The following KIF6 variants were observed in gnomAD, a reference collection of about 807,000 sequenced individuals.
KIF6 encodes the protein kinesin family member 6, also known as kinesin-like protein KIF6.
Under a neutral mutation model 112.7 loss-of-function variants are expected in KIF6, and 106 were observed. The observed-to-expected ratio is 0.94, with a 90% CI of 0.80 to 1.11. The LOEUF (loss-of-function observed/expected upper bound fraction) is 1.11. Ranked by LOEUF, KIF6 falls within the 50% of genes least tolerant of loss-of-function variation. The pLI, the probability that KIF6 is intolerant of heterozygous loss-of-function variation, is 0.00. For missense variants in KIF6, 929 were observed against 964.0 expected, an observed-to-expected ratio of 0.96 and a Z score of 0.48; for synonymous variants, 339 against 339.9, an observed-to-expected ratio of 1.00 and a Z score of 0.03.
chr6:39,371,772 T>A lies in KIF6; in HGVS notation c.1862-9254A>T, dbSNP rs541385669. 3.3e-5 allele frequency among the ~76,000 whole-genome samples: 5 copies of A among 152,170 alleles called. No homozygotes were observed. The South Asian group carries it at 1.0e-3, about 32-fold the overall frequency. ...GACCCTGACCCATATAGATTCAAATTGGGTAAGGAACCGCCCAATAAGGCA... is the reference window on the plus strand; with the variant it reads ...GACCCTGACCCATATAGATTCAAATAGGGTAAGGAACCGCCCAATAAGGCA... On this transcript the variant is annotated intron_variant, in intron 16 of 22. Transcript: ENST00000287152.
At chr6:39,449,692 T>G (rs1772558941) in intron 13 of KIF6, among the ~76,000 whole-genome samples, 1 of 152,056 alleles carries the variant, frequency 6.6e-6, no homozygotes, top group Non-Finnish European at 1.5e-5. Context: ...TCCAGTACAG[T>G]AGGATGAAAG....
chr6:39,677,817 A>C (rs1359471450), intron 3 of KIF6, among the ~76,000 whole-genome samples: 1 of 135,058 alleles, frequency 7.4e-6, no homozygotes, highest in Non-Finnish European at 1.6e-5. Context: ...TTTACTGAGA[A>C]TGATGGTTTC....
chr6:39,339,488 T>A (rs1002649778), intron 22 of KIF6, among the ~76,000 whole-genome samples: 9 of 151,806 alleles, frequency 5.9e-5, no homozygotes, highest in African/African-American at 2.2e-4. Flanking sequence ...TTTCTCTGAG[T>A]GGGGCTGGAG....
In KIF6 at chr6:39,431,067, CTGTT is replaced by C. The variant is rs1346713118; in HGVS notation, c.1736_1739del (p.Lys579ArgfsTer3). On this transcript the variant is annotated frameshift_variant, in exon 14 of 23. Coordinates refer to ENST00000287152, the MANE Select transcript of KIF6 (RefSeq NM_145027.6). LOFTEE classifies it high-confidence loss of function. ...GACAGCCTTACCTCTGTTTCAGAAT[CTGTT>C]TGTTGTCATCGATGGTAACGCTGTC... 3 of 1,611,402 alleles carry C rather than the reference CTGTT, an allele frequency of 1.9e-6. No homozygotes were observed. The highest frequency in any genetic ancestry group is 1.1e-5 in the South Asian group (1 of 90,906).
rs1234740179 is a variant in KIF6, at chr6:39,709,970, A to C, written c.251+4722T>G. ...TGACACTTTATTTTATCAGTATTTT[A>C]TGTTTTACCATTTCAAAGTCATACA... On this transcript the variant is annotated intron_variant, in intron 3 of 22. Coordinates refer to ENST00000287152, the MANE Select transcript of KIF6 (RefSeq NM_145027.6). 5.3e-5 allele frequency among the ~76,000 whole-genome samples: 8 copies of C among 152,210 alleles called. No homozygotes were observed. In the East Asian group the frequency reaches 1.3e-3, roughly 26 times the overall value.
intron 20 of KIF6, among the ~76,000 whole-genome samples, chr6:39,346,106 CCTCCCTCTCCCT>C (rs1763749256): frequency 6.3e-5 from 2 of 31,546 alleles, no homozygotes; most frequent in African/African-American, 2.3e-4. Flanking sequence ...TCCCTCCCCC[CCTCCCTCTCCCT>C]CTCCCTCCCT....
intron 19 of KIF6, 131 bp downstream of exon 19, chr6:39,357,146 C>CGGT (rs1764760862): frequency 1.7e-6 from 1 of 596,980 alleles, no homozygotes; most frequent in Non-Finnish European, 2.9e-6. Context: ...ACTAATTAAA[C>CGGT]AGTAAAAGGA....
At chr6:39,439,809 G>C (rs575145898) in intron 13 of KIF6, among the ~76,000 whole-genome samples, 1 of 152,226 alleles carries the variant, frequency 6.6e-6, no homozygotes, top group Non-Finnish European at 1.5e-5. Context: ...AAACCAAATG[G>C]AAAGGAAAAA....
At chr6:39,417,831 A>G (rs565369068) in intron 15 of KIF6, among the ~76,000 whole-genome samples, 2 of 152,352 alleles carry the variant, frequency 1.3e-5, no homozygotes, top group South Asian at 4.1e-4. Context: ...TTTGGTTTAC[A>G]GAGTAAGATA....
At chr6:39,546,245 T>G (rs112799690) in intron 10 of KIF6, among the ~76,000 whole-genome samples, 2,799 of 152,310 alleles carry the variant, frequency 0.018, 67 homozygotes, top group African/African-American at 0.061. Context: ...CCTCCTCCTT[T>G]GCCTCAGAGT....
chr6:39,603,498 A>G (rs1280756357), intron 6 of KIF6, among the ~76,000 whole-genome samples: 1 of 151,948 alleles, frequency 6.6e-6, no homozygotes, highest in Non-Finnish European at 1.5e-5. Flanking sequence ...CTGTCTGCTG[A>G]AAGAGAAATT....
Position 39,719,367 on chromosome 6 carries a change from TA to T in KIF6, c.176+1334del, listed in dbSNP as rs527387749. On this transcript the variant is annotated intron_variant, in intron 2 of 22. Coordinates refer to ENST00000287152, the MANE Select transcript of KIF6 (RefSeq NM_145027.6). ...AGAAAAAGAGAGAGAGAGAGAGGAA[TA>T]AAAAAAAATCTGGGATAGTTTTATC... 2.6e-3 allele frequency among the ~76,000 whole-genome samples: 363 copies of T among 141,408 alleles called. 4 individuals are homozygous for T. The highest frequency in any genetic ancestry group is 8.9e-3 in the African/African-American group (342 of 38,566). The allele number at this position is 141,408 out of a possible 152,430, so 92.8% of individuals were successfully genotyped here. A position where few individuals can be genotyped will look rare whatever the true frequency, so the allele number is the denominator to read the frequency against.
At chr6:39,524,283 G>A (rs1582046169) in intron 13 of KIF6, among the ~76,000 whole-genome samples, 1 of 152,146 alleles carries the variant, frequency 6.6e-6, no homozygotes, top group Non-Finnish European at 1.5e-5. Context: ...TGAAAACAAT[G>A]TTAAAAATAG....
chr6:39,720,557 G>C (rs971225267), intron 2 of KIF6, 145 bp downstream of exon 2: 2 of 556,830 alleles, frequency 3.6e-6, no homozygotes, highest in Non-Finnish European at 6.4e-6. Flanking sequence ...AAGGCAACTT[G>C]AGTTCAGTCT....
intron 13 of KIF6, among the ~76,000 whole-genome samples, chr6:39,535,005 C>T (rs1778328732): frequency 6.6e-6 from 1 of 152,158 alleles, no homozygotes; most frequent in Non-Finnish European, 1.5e-5. Context: ...TACAGACAAG[C>T]AAATGCTGAG....
At chr6:39,670,157 C>T (rs1012440561) in intron 3 of KIF6, among the ~76,000 whole-genome samples, 4 of 152,162 alleles carry the variant, frequency 2.6e-5, no homozygotes, top group African/African-American at 7.2e-5. Context: ...AAACCCCAGC[C>T]TCAAAGAGCG....
intron 10 of KIF6, among the ~76,000 whole-genome samples, chr6:39,569,092 A>G (rs1217026202): frequency 6.6e-6 from 1 of 152,136 alleles, no homozygotes; most frequent in Non-Finnish European, 1.5e-5. Flanking sequence ...AGGGCTTGTC[A>G]TGTCACAGAA....
intron 15 of KIF6, among the ~76,000 whole-genome samples, chr6:39,399,850 C>T (rs1410150436): frequency 6.6e-5 from 10 of 152,232 alleles, no homozygotes; most frequent in Non-Finnish European, 1.5e-4. Context: ...TCAAGTTTGC[C>T]TCACCTAGTC....
At chr6:39,553,428 T>G (rs1178026841) in intron 10 of KIF6, among the ~76,000 whole-genome samples, 1 of 152,150 alleles carries the variant, frequency 6.6e-6, no homozygotes, top group Non-Finnish European at 1.5e-5. Context: ...AAATAGCAAA[T>G]GCGAAAAATC....
Sources: allele counts gnomAD v4.1 joint callset (sites outside exome capture counted in the v4.1 genomes callset), GRCh38; gene constraint gnomAD v4.1.1; transcripts MANE v1.5; gene names NCBI Gene and HGNC (gene_info 2026-07-23, HGNC 2026-07-21).